MACROD2: variants seen among roughly 807,000 people sequenced by gnomAD.
MACROD2 encodes mono-ADP ribosylhydrolase 2.
A neutral mutation model predicts 70.4 loss-of-function variants in MACROD2; 36 were observed. The ratio of observed to expected loss-of-function variants is 0.51; its 90% CI spans 0.39 to 0.68. The LOEUF (loss-of-function observed/expected upper bound fraction) is 0.68, where lower values mean the gene tolerates loss of function less well. MACROD2 is among the 30% of genes least tolerant of loss of function. The pLI is 0.00. For missense variants in MACROD2, 496 were observed against 538.4 expected, an observed-to-expected ratio of 0.92 and a Z score of 0.78; for synonymous variants, 172 against 178.8, an observed-to-expected ratio of 0.96 and a Z score of 0.30.
chr20:14,191,741 A>G (rs2081389968), intron 3 of MACROD2, among the ~76,000 whole-genome samples: 1 of 152,252 alleles, frequency 6.6e-6, no homozygotes, highest in Admixed American at 6.5e-5. Flanking sequence ...AACTGCAAGT[A>G]CAAAGTCTCT....
In MACROD2 at chr20:15,756,888, G is replaced by A. The variant is rs549708649; in HGVS notation, c.646-105857G>A. ...GCTCCTCCCTTTCACATCTCAGATC[G>A]TTGTTACCAGGCTGCTTTCTCCTCA... On this transcript the variant is annotated intron_variant, in intron 8 of 17. Coordinates refer to ENST00000684519, the MANE Select transcript of MACROD2 (RefSeq NM_001351661.2). Among the ~76,000 whole-genome samples the A allele has an allele frequency of 2.7e-4, 41 of 152,244 alleles. No homozygotes were observed. In the South Asian group the frequency reaches 6.8e-3, roughly 25 times the overall value.
chr20:14,820,994 G>A (rs931038618), intron 5 of MACROD2, among the ~76,000 whole-genome samples: 3 of 151,930 alleles, frequency 2.0e-5, no homozygotes, highest in East Asian at 3.9e-4. Flanking sequence ...ACCAGAGTTC[G>A]GCATTTTCAT....
intron 7 of MACROD2, among the ~76,000 whole-genome samples, chr20:15,486,950 T>A (rs1274953952): frequency 6.6e-6 from 1 of 152,228 alleles, no homozygotes; most frequent in Non-Finnish European, 1.5e-5. Context: ...GTTTAACTGA[T>A]CAAGACTGGG....
chr20:14,197,940 A>G lies in MACROD2; in HGVS notation c.271+112212A>G, dbSNP rs556933733. Among the ~76,000 whole-genome samples, 5 of 152,290 alleles carry G rather than the reference A, an allele frequency of 3.3e-5. No homozygotes were observed. The South Asian group carries it at 1.0e-3, about 32-fold the overall frequency. On this transcript the variant is annotated intron_variant, in intron 3 of 17. Coordinates refer to ENST00000684519, the MANE Select transcript of MACROD2 (RefSeq NM_001351661.2). ...CTTAGATGTAAATCAAATGGGTATG[A>G]TTTTAGAAATGACACATTACATTAC...
chr20:15,148,882 T>C (rs1475476093), intron 5 of MACROD2, among the ~76,000 whole-genome samples: 2 of 152,018 alleles, frequency 1.3e-5, no homozygotes, highest in Non-Finnish European at 2.9e-5. Context: ...TGTAAAGGTT[T>C]CACTGAATAC....
At chr20:15,331,355 G>T (rs6079759) in intron 6 of MACROD2, among the ~76,000 whole-genome samples, 42,337 of 151,278 alleles carry the variant, frequency 0.28, 7,174 homozygotes, top group Non-Finnish European at 0.39. Flanking sequence ...GGTCTACTTG[G>T]TTGAACTATT....
intron 5 of MACROD2, among the ~76,000 whole-genome samples, chr20:14,873,941 A>C (rs868016040): frequency 4.6e-5 from 7 of 152,160 alleles, no homozygotes; most frequent in Non-Finnish European, 1.0e-4. Flanking sequence ...TGATGTTGGT[A>C]CTTTAACAGA....
intron 4 of MACROD2, among the ~76,000 whole-genome samples, chr20:14,624,157 C>T (rs6042825): frequency 6.6e-6 from 1 of 152,068 alleles, no homozygotes; most frequent in Non-Finnish European, 1.5e-5. Context: ...GGAGGTAGAC[C>T]TTATGGGGAT....
chr20:14,103,419 A>T (rs1439825442), intron 3 of MACROD2, among the ~76,000 whole-genome samples: 2 of 152,190 alleles, frequency 1.3e-5, no homozygotes, highest in Non-Finnish European at 2.9e-5. Flanking sequence ...CTCTTTGAGA[A>T]TTCTTCAGTG....
chr20:14,407,606 A>G (rs183350037), intron 3 of MACROD2, among the ~76,000 whole-genome samples: 69 of 152,252 alleles, frequency 4.5e-4, no homozygotes, highest in African/African-American at 1.5e-3. Context: ...ATTGTTAAGG[A>G]CGCTCTCAAA....
intron 8 of MACROD2, among the ~76,000 whole-genome samples, chr20:15,599,587 GATA>G (rs568100816): frequency 1.1e-3 from 164 of 152,222 alleles, no homozygotes; most frequent in African/African-American, 3.7e-3. Context: ...CCTGTAAATT[GATA>G]ATAATAAACT....
intron 8 of MACROD2, among the ~76,000 whole-genome samples, chr20:15,846,496 T>C (rs1195948695): frequency 6.6e-6 from 1 of 152,150 alleles, no homozygotes; most frequent in Non-Finnish European, 1.5e-5. Flanking sequence ...CTCATCTAGT[T>C]ATCCTGACCT....
chr20:15,925,892 G>GACT (rs1258079528), intron 10 of MACROD2, among the ~76,000 whole-genome samples: 1 of 152,196 alleles, frequency 6.6e-6, no homozygotes, highest in Non-Finnish European at 1.5e-5. Flanking sequence ...AATGGTTGAA[G>GACT]ACTAACCCAT....
chr20:15,740,444 G>C, intron 8 of MACROD2, among the ~76,000 whole-genome samples: 1 of 152,174 alleles, frequency 6.6e-6, no homozygotes, highest in Non-Finnish European at 1.5e-5. Flanking sequence ...GGACGCTGGG[G>C]ATGGGAAAGT....
intron 4 of MACROD2, among the ~76,000 whole-genome samples, chr20:14,634,082 G>T (rs947259328): frequency 6.6e-6 from 1 of 152,112 alleles, no homozygotes; most frequent in Non-Finnish European, 1.5e-5. Flanking sequence ...AGCCCCCTGG[G>T]CGTGCCATTT....
intron 8 of MACROD2, among the ~76,000 whole-genome samples, chr20:15,726,101 GC>G (rs1406594857): frequency 6.6e-6 from 1 of 151,970 alleles, no homozygotes; most frequent in Non-Finnish European, 1.5e-5. Context: ...CCTCAAGTAG[GC>G]CCCAGTGTCT....
chr20:15,832,701 A>G (rs2064069967), intron 8 of MACROD2, among the ~76,000 whole-genome samples: 1 of 152,244 alleles, frequency 6.6e-6, no homozygotes, highest in South Asian at 2.1e-4. Context: ...ACAAAGCCGA[A>G]CAGGGCATGG....
chr20:14,821,761 C>G (rs1016900345), intron 5 of MACROD2, among the ~76,000 whole-genome samples: 2 of 152,082 alleles, frequency 1.3e-5, no homozygotes, highest in African/African-American at 4.8e-5. Context: ...GGAGAACACT[C>G]AAGACCACTG....
At chr20:15,217,960 G>A (rs1026463080) in intron 5 of MACROD2, among the ~76,000 whole-genome samples, 42 of 151,986 alleles carry the variant, frequency 2.8e-4, no homozygotes, top group Admixed American at 2.7e-3. Context: ...GAATTATGTT[G>A]GAAAGGCTCA....
Sources: gnomAD v4.1 joint callset for allele counts (sites outside exome capture counted in the v4.1 genomes callset) on GRCh38, gnomAD v4.1.1 for gene constraint, MANE v1.5 for transcripts, NCBI Gene and HGNC (gene_info 2026-07-23, HGNC 2026-07-21) for gene names.